CTDP1: variants seen among roughly 807,000 people sequenced by gnomAD.
The protein encoded by CTDP1 is RNA polymerase II subunit A C-terminal domain phosphatase.
Under a neutral mutation model 91.8 loss-of-function variants are expected in CTDP1, and 47 were observed. The observed-to-expected ratio is 0.51, with a 90% confidence interval of 0.41 to 0.65. The LOEUF is 0.65. Ranked by LOEUF, CTDP1 falls within the 30% of genes least tolerant of loss-of-function variation. The pLI is 0.00. For missense variants in CTDP1, 1,272 were observed against 1,373.7 expected (o/e 0.93, Z 1.17); for synonymous variants, 656 against 598.5 (o/e 1.10, Z -1.40).
At chr18:79,704,164 C>G (rs1432700784) in intron 4 of CTDP1, among the ~76,000 whole-genome samples, 2 of 152,228 alleles carry the variant, frequency 1.3e-5, no homozygotes, top group African/African-American at 4.8e-5. Flanking sequence ...ACTCGTACCG[C>G]GTGCATGGAA....
At chr18:79,680,577 A>C (rs2085342380) in intron 1 of CTDP1, among the ~76,000 whole-genome samples, 1 of 152,232 alleles carries the variant, frequency 6.6e-6, no homozygotes, top group South Asian at 2.1e-4. Flanking sequence ...TTTGTGACTT[A>C]GGAAAACTCA....
chr18:79,694,005 T>G (rs2085681409), intron 1 of CTDP1, among the ~76,000 whole-genome samples: 1 of 152,214 alleles, frequency 6.6e-6, no homozygotes, highest in African/African-American at 2.4e-5. Context: ...GCCTGTGGCC[T>G]GATCCTTGCG....
At chr18:79,739,700 A>G (rs142381512) in intron 12 of CTDP1, among the ~76,000 whole-genome samples, 297 of 152,340 alleles carry the variant, frequency 1.9e-3, no homozygotes, top group African/African-American at 6.9e-3. Flanking sequence ...GGGTGATTTC[A>G]GAATTTGAGA....
Position 79,717,859 on chromosome 18 carries a change from G to T in CTDP1, c.2260G>T (p.Ala754Ser), listed in dbSNP as rs142285723. Residue 754 changes from alanine (A) to serine (S), a missense_variant, in exon 10 of 13, where the codon GCC becomes TCC. Coordinates refer to ENST00000613122, the MANE Select transcript of CTDP1 (RefSeq NM_004715.5). ...FPDREGVPPTALFHPMPVLPK... is the reference protein window; with the variant it reads ...FPDREGVPPTSLFHPMPVLPK... ...CGACCGGGAGGGTGTGCCCCCCACC[G>T]CCTTGTTCCACCCGATGCCGGTTCT... The T allele has an allele frequency of 1.4e-4, 220 of 1,613,454 alleles. No individual in the cohort carries two copies. The highest frequency in any genetic ancestry group is 1.7e-4 in the Non-Finnish European group (203 of 1,180,002).
chr18:79,692,190 G>A lies in CTDP1; in HGVS notation c.315-3035G>A, dbSNP rs144745741. ...CAGGGTGGACTCCGGGTGGGGAACA[G>A]TGGAGAAAACCTTTGCAGAACACAC... On this transcript the variant is annotated intron_variant, in intron 1 of 12. Transcript: ENST00000613122. 7.1e-3 allele frequency among the ~76,000 whole-genome samples: 1,081 copies of A among 151,944 alleles called. 9 individuals are homozygous for A. Among genetic ancestry groups the A allele is most frequent in the Non-Finnish European group, 0.011 (717 of 67,890 alleles).
chr18:79,740,753 A>G (rs1362096652), intron 12 of CTDP1, among the ~76,000 whole-genome samples: 1 of 152,238 alleles, frequency 6.6e-6, no homozygotes, highest in Non-Finnish European at 1.5e-5. Context: ...TTGTCTACCA[A>G]GAGTGATTCA....
chr18:79,695,420 C>G, intron 2 of CTDP1, 112 bp downstream of exon 2: 1 of 907,144 alleles, frequency 1.1e-6, no homozygotes, highest in Non-Finnish European at 1.8e-6. Context: ...TTCCCAGCGG[C>G]AGATGCAGAC....
rs1186885069 is a variant in CTDP1, at chr18:79,704,833, A to C, written c.688A>C (p.Lys230Gln). ...MLHTRLRPHCKDFLEKIAKLY... is the reference protein window; with the variant it reads ...MLHTRLRPHCQDFLEKIAKLY... ...GCACACGCGCCTGCGTCCACACTGC[A>C]AGGACTTCCTGGAGAAGATCGCCAA... The change falls in exon 5 of 13, where the codon AAG becomes CAG. Residue 230 changes from lysine (K) to glutamine (Q), a missense_variant. Physicochemically the swap from Lys to Gln is moderately conservative, Grantham distance 53 (BLOSUM62 1). Transcript: ENST00000613122. The C allele has an allele frequency of 6.2e-7, 1 of 1,614,056 alleles. No individual in the cohort carries two copies. The highest frequency in any genetic ancestry group is 2.2e-5 in the East Asian group (1 of 44,886).
rs1411187621 is a variant in CTDP1, at chr18:79,728,927, C to T, written c.2438C>T (p.Pro813Leu). Residue 813 changes from proline to leucine, a missense_variant, in exon 11 of 13, where the codon CCG becomes CTG. Pro to Leu is a moderately conservative substitution (Grantham distance 98). Transcript: ENST00000613122. The stretch of plus-strand genomic sequence containing the variant: ...TTCAGAGCGGTTCCGCCACCCCAGC[C>T]GCAGATGTTTGGTGAAGAGCTGCCT... Reference protein sequence around the residue: ...SSFRAVPPPQPQMFGEELPDA... With the variant: ...SSFRAVPPPQLQMFGEELPDA... The T allele has an allele frequency of 4.3e-6, 7 of 1,614,154 alleles. No homozygotes were observed. Among genetic ancestry groups the T allele is most frequent in the Middle Eastern group, 1.7e-4 (1 of 6,060 alleles).
intron 10 of CTDP1, among the ~76,000 whole-genome samples, chr18:79,724,752 G>A (rs548256498): frequency 3.9e-5 from 6 of 152,290 alleles, no homozygotes; most frequent in African/African-American, 1.4e-4. Flanking sequence ...TAGTAGCCCA[G>A]TCCCAGATCC....
At chr18:79,679,297 C>G (rs533956000), upstream of CTDP1, 18 of 412,368 alleles carry the variant, frequency 4.4e-5, no homozygotes, top group African/African-American at 2.2e-4. Context: ...GGGGGGGACA[C>G]GAGGCGGGGC....
chr18:79,750,624 G>C (rs1256610616), intron 12 of CTDP1, among the ~76,000 whole-genome samples: 1 of 149,200 alleles, frequency 6.7e-6, no homozygotes, highest in Admixed American at 6.7e-5. Context: ...TTCCCGAGTA[G>C]CTGGGACTAC....
At chr18:79,682,932 G>A (rs1243973314) in intron 1 of CTDP1, 13 of 152,232 alleles carry the variant, frequency 8.5e-5, no homozygotes. Flanking sequence ...ACGTCGGTTG[G>A]TGAAGAGCAT....
chr18:79,730,538 C>T (rs772632189), intron 11 of CTDP1, among the ~76,000 whole-genome samples: 12 of 152,246 alleles, frequency 7.9e-5, no homozygotes, highest in Non-Finnish European at 1.3e-4. Context: ...AAACCTAATC[C>T]TTTCTCTCAG....
At chr18:79,721,266 CTTAA>C (rs1457457791) in intron 10 of CTDP1, among the ~76,000 whole-genome samples, 11 of 152,136 alleles carry the variant, frequency 7.2e-5, no homozygotes, top group African/African-American at 2.2e-4. Context: ...CTTTATTTGA[CTTAA>C]TTAATTCCAA....
chr18:79,705,163 C>G (rs1476337825), intron 5 of CTDP1, among the ~76,000 whole-genome samples: 1 of 152,096 alleles, frequency 6.6e-6, no homozygotes, highest in African/African-American at 2.4e-5. Flanking sequence ...TTTGTCAGGA[C>G]CACATGGGCA....
At chr18:79,752,410 G>A (rs879191234) in intron 12 of CTDP1, among the ~76,000 whole-genome samples, 1 of 101,954 alleles carries the variant, frequency 9.8e-6, no homozygotes, top group Non-Finnish European at 2.2e-5. Flanking sequence ...TAGTGGCACC[G>A]GCTGGTTATG....
At chr18:79,680,544 C>G (rs894814424) in intron 1 of CTDP1, among the ~76,000 whole-genome samples, 1 of 152,242 alleles carries the variant, frequency 6.6e-6, no homozygotes, top group Non-Finnish European at 1.5e-5. Context: ...GTGATAGTCC[C>G]CGCCCCTTCC....
intron 3 of CTDP1, 120 bp from the exon 4 acceptor site, chr18:79,697,740 G>A (rs2085776198): frequency 6.8e-7 from 1 of 1,463,096 alleles, no homozygotes; most frequent in Non-Finnish European, 9.4e-7. Context: ...CGCAGTCCAT[G>A]GAGCGTGGGG....
Sources: allele counts gnomAD v4.1 joint callset (sites outside exome capture counted in the v4.1 genomes callset), GRCh38; gene constraint gnomAD v4.1.1; transcripts MANE v1.5; gene names NCBI Gene and HGNC (gene_info 2026-07-23, HGNC 2026-07-21).